Variants in ESRRG observed in about 807,000 individuals in gnomAD.
ESRRG encodes the protein estrogen-related receptor gamma.
In ESRRG, 13 loss-of-function variants were observed where a neutral mutation model predicts 44.0. That is an observed-to-expected ratio of 0.30 (90% CI 0.19 to 0.47). The LOEUF (loss-of-function observed/expected upper bound fraction) is 0.47, where lower values mean the gene tolerates loss of function less well. Ranked by LOEUF, ESRRG falls within the 20% of genes least tolerant of loss-of-function variation. The probability of loss-of-function intolerance (pLI) is 1.00; values close to 1 mark genes in which losing one functional copy is unlikely to be tolerated. For missense variants in ESRRG, 395 were observed against 580.6 expected (o/e 0.68, Z 3.29); for synonymous variants, 215 against 214.6 (o/e 1.00, Z -0.02).
In ESRRG at chr1:216,507,228, C is replaced by T. The variant is rs369647313; in HGVS notation, c.1133-45G>A. 3 of 1,380,974 alleles carry T rather than the reference C, an allele frequency of 2.2e-6. No homozygotes were observed. In the African/African-American group the frequency reaches 4.3e-5, roughly 20 times the overall value. The allele number at this position is 1,380,974 out of a possible 1,614,324, so 85.5% of individuals were successfully genotyped here. On this transcript the variant is annotated intron_variant, in intron 6 of 6. Coordinates refer to ENST00000408911, the MANE Select transcript of ESRRG (RefSeq NM_001438.4). ...ATATGAGTAATTATAATAATAATAGCAAACCTATGTAGACTAGAGTTATAA... is the reference window on the plus strand; with the variant it reads ...ATATGAGTAATTATAATAATAATAGTAAACCTATGTAGACTAGAGTTATAA...
At chr1:216,617,138 G>A (rs1032520485) in intron 3 of ESRRG, among the ~76,000 whole-genome samples, 4 of 151,908 alleles carry the variant, frequency 2.6e-5, no homozygotes, top group Non-Finnish European at 4.4e-5. Context: ...TTACCCTAAC[G>A]ATTTCCCAGA....
intron 1 of ESRRG, among the ~76,000 whole-genome samples, chr1:217,031,265 G>A (rs891818858): frequency 6.6e-6 from 1 of 152,134 alleles, no homozygotes; most frequent in Non-Finnish European, 1.5e-5. Flanking sequence ...CCAGAGTTCG[G>A]GTACTACAGT....
chr1:216,865,450 G>T (rs2096138532), intron 2 of ESRRG, among the ~76,000 whole-genome samples: 1 of 151,766 alleles, frequency 6.6e-6, no homozygotes, highest in Non-Finnish European at 1.5e-5. Context: ...TACCTTAAGG[G>T]TTTAAGAAAC....
At chr1:216,681,710 C>T (rs1308556654) in intron 1 of ESRRG, among the ~76,000 whole-genome samples, 1 of 152,004 alleles carries the variant, frequency 6.6e-6, no homozygotes, top group African/African-American at 2.4e-5. Context: ...AGTTGTTTCA[C>T]TATTTAAAGA....
At chr1:216,549,987 G>T (rs561952031) in intron 5 of ESRRG, among the ~76,000 whole-genome samples, 2 of 152,184 alleles carry the variant, frequency 1.3e-5, no homozygotes, top group Admixed American at 1.3e-4. Context: ...TGCAACAGCC[G>T]TGCGGAAGTC....
chr1:216,902,245 T>G (rs61818569), intron 2 of ESRRG, among the ~76,000 whole-genome samples: 1,712 of 152,276 alleles, frequency 0.011, 13 homozygotes, highest in Non-Finnish European at 0.016. Context: ...TCCCAGCACT[T>G]TGGGACGCTG....
chr1:216,600,664 T>TA (rs796576720), intron 3 of ESRRG, among the ~76,000 whole-genome samples: 10 of 151,636 alleles, frequency 6.6e-5, no homozygotes, highest in South Asian at 2.1e-4. Context: ...AATAAAGTCT[T>TA]AAAAAAAAAT....
chr1:217,059,233 T>A (rs1019183133), intron 1 of ESRRG, among the ~76,000 whole-genome samples: 1 of 150,384 alleles, frequency 6.6e-6, no homozygotes, highest in African/African-American at 2.4e-5. Flanking sequence ...ATAATAATTA[T>A]GATATACTAT....
At position 217,054,294 on chromosome 1, in the gene ESRRG, G is replaced by C. The variant is rs147177653; in HGVS notation, c.-106+35213C>G. On this transcript the variant is annotated intron_variant, in intron 1 of 7. Transcript: ENST00000359162. ...ATACTTTCTTCTAAAGGTCATACTG[G>C]GGGGGAGCATAAATGCTCAAGAAAC... Among the ~76,000 whole-genome samples the C allele has an allele frequency of 8.5e-5, 13 of 152,198 alleles. No individual in the cohort carries two copies. The East Asian group carries it at 2.1e-3, about 25-fold the overall frequency.
At chr1:216,546,412 CT>C (rs1265865620) in intron 5 of ESRRG, among the ~76,000 whole-genome samples, 1 of 152,072 alleles carries the variant, frequency 6.6e-6, no homozygotes. Context: ...ATTTCCTAAA[CT>C]TGTTCCCAAG....
chr1:217,016,289 T>C (rs1343256200), intron 1 of ESRRG, among the ~76,000 whole-genome samples: 1 of 152,120 alleles, frequency 6.6e-6, no homozygotes. Context: ...TCCTTTTTTT[T>C]TAAGATTGTA....
chr1:217,111,093 G>A (rs1053595289), intron 1 of ESRRG, among the ~76,000 whole-genome samples: 2 of 152,198 alleles, frequency 1.3e-5, no homozygotes, highest in African/African-American at 4.8e-5. Context: ...ACAAGAAAAT[G>A]TCCTAGGGCA....
intron 1 of ESRRG, among the ~76,000 whole-genome samples, chr1:217,074,731 C>A (rs930182437): frequency 6.6e-6 from 1 of 152,058 alleles, no homozygotes; most frequent in Non-Finnish European, 1.5e-5. Context: ...TATGATTGTG[C>A]CACTGCACTC....
chr1:217,048,965 T>C (rs1470623246), intron 1 of ESRRG, among the ~76,000 whole-genome samples: 1 of 152,136 alleles, frequency 6.6e-6, no homozygotes, highest in Non-Finnish European at 1.5e-5. Context: ...GTGATCAAAA[T>C]CCTCACTGTG....
chr1:216,789,433 C>T (rs570664295), intron 2 of ESRRG, among the ~76,000 whole-genome samples: 3 of 152,070 alleles, frequency 2.0e-5, no homozygotes, highest in Non-Finnish European at 4.4e-5. Flanking sequence ...ATGGATGTTA[C>T]CTTTTTGGCA....
At chr1:217,100,954 A>G (rs2092501752) in intron 1 of ESRRG, among the ~76,000 whole-genome samples, 1 of 152,214 alleles carries the variant, frequency 6.6e-6, no homozygotes, top group Non-Finnish European at 1.5e-5. Flanking sequence ...CTTTATGGCC[A>G]CAAAGCCTGA....
At chr1:216,786,496 C>A (rs2094131560) in intron 2 of ESRRG, among the ~76,000 whole-genome samples, 1 of 152,006 alleles carries the variant, frequency 6.6e-6, no homozygotes, top group African/African-American at 2.4e-5. Flanking sequence ...GTTTGCTGCC[C>A]TCATGGAGCA....
At position 216,815,758 on chromosome 1, in the gene ESRRG, A is replaced by G. The variant is rs2095116084; in HGVS notation, c.-14+123824T>C. On this transcript the variant is annotated intron_variant, in intron 2 of 7. Transcript: ENST00000359162. ...AATGAAGCAGCCCTGTCACAGGACC[A>G]TTACGAAAGCACATGCTCCCTGGCT... is the stretch of plus-strand genomic sequence containing the variant. Among the ~76,000 whole-genome samples the G allele has an allele frequency of 2.0e-5, 3 of 152,232 alleles. No homozygotes were observed. The South Asian group carries it at 6.2e-4, about 31-fold the overall frequency.
intron 2 of ESRRG, among the ~76,000 whole-genome samples, chr1:216,937,489 CG>C (rs1255766675): frequency 6.6e-6 from 1 of 152,126 alleles, no homozygotes; most frequent in African/African-American, 2.4e-5. Flanking sequence ...TGAATAAATG[CG>C]GGGAGTATTC....
Sources: allele counts gnomAD v4.1 joint callset (sites outside exome capture counted in the v4.1 genomes callset), GRCh38; gene constraint gnomAD v4.1.1; transcripts MANE v1.5; gene names NCBI Gene and HGNC (gene_info 2026-07-23, HGNC 2026-07-21).